PPP4R1: variants seen among roughly 807,000 people sequenced by gnomAD.
PPP4R1 encodes the protein serine/threonine-protein phosphatase 4 regulatory subunit 1.
PPP4R1 carries 42 observed loss-of-function variants against 111.2 expected under a neutral mutation model. The ratio of observed to expected loss-of-function variants is 0.38; its 90% CI spans 0.29 to 0.49. PPP4R1 has a LOEUF of 0.49. Ranked by LOEUF, PPP4R1 falls within the 20% of genes least tolerant of loss-of-function variation. The probability of loss-of-function intolerance (pLI) is 0.97; values close to 1 mark genes in which losing one functional copy is unlikely to be tolerated. For missense variants in PPP4R1, 1,012 were observed against 1,161.6 expected (o/e 0.87, Z 1.87); for synonymous variants, 409 against 405.5 (o/e 1.01, Z -0.10).
Position 9,588,183 on chromosome 18 carries a change from A to G in PPP4R1, c.491T>C (p.Ile164Thr). The change falls in exon 6 of 20, where the codon ATT (isoleucine) becomes ACT (threonine). Residue 164 changes from isoleucine (I) to threonine (T), a missense_variant. Ile to Thr is a moderately conservative substitution (Grantham distance 89). Coordinates refer to ENST00000400556, the MANE Select transcript of PPP4R1 (RefSeq NM_001042388.3). ...ALLALLEQEL[I>T]ERFDVETKVC... Reference sequence around the variant, plus strand: ...TTTGGTCTCCACATCAAATCGTTCAATGAGCTCCTGCTCCAACAGAGCCAG... The same window carrying G: ...TTTGGTCTCCACATCAAATCGTTCAGTGAGCTCCTGCTCCAACAGAGCCAG... 1 of 1,614,180 alleles carries G rather than the reference A, an allele frequency of 6.2e-7. No individual in the cohort carries two copies. The highest frequency in any genetic ancestry group is 8.5e-7 in the Non-Finnish European group (1 of 1,180,010).
chr18:9,615,489 T>G (rs2067678063), upstream of PPP4R1, among the ~76,000 whole-genome samples: 1 of 152,202 alleles, frequency 6.6e-6, no homozygotes, highest in Admixed American at 6.5e-5. Flanking sequence ...TCTAAATACT[T>G]TTGGCAGCAC....
chr18:9,582,117 A>T (rs571657818), intron 9 of PPP4R1, among the ~76,000 whole-genome samples: 16 of 152,056 alleles, frequency 1.1e-4, no homozygotes, highest in Non-Finnish European at 2.1e-4. Context: ...CTAATCCACA[A>T]CCTAACCTTC....
chr18:9,561,988 T>G lies in PPP4R1; in HGVS notation c.1834A>C (p.Lys612Gln). Residue 612 changes from lysine (K) to glutamine (Q), a missense_variant, in exon 13 of 20, where the codon AAA becomes CAA. By Grantham distance (53) the Lys-to-Gln change is moderately conservative. Transcript: ENST00000400556. ...SFSPDEERRT[K>Q]VQDVVPQALL... ...ATTTTTTGGTCACTTACTTGTACTT[T>G]AGTTCTCCTTTCCTCATCAGGGCTA... is the stretch of plus-strand genomic sequence containing the variant. The G allele has an allele frequency of 6.2e-7, 1 of 1,608,986 alleles. No homozygotes were observed. Among genetic ancestry groups the G allele is most frequent in the Non-Finnish European group, 8.5e-7 (1 of 1,175,500 alleles).
At chr18:9,597,099 T>C (rs1016135546) in intron 2 of PPP4R1, among the ~76,000 whole-genome samples, 4 of 152,036 alleles carry the variant, frequency 2.6e-5, no homozygotes, top group Admixed American at 1.3e-4. Context: ...CATTTGTGAA[T>C]AGCCACTGCA....
intron 2 of PPP4R1, among the ~76,000 whole-genome samples, chr18:9,597,393 A>C (rs934424319): frequency 1.3e-5 from 2 of 152,226 alleles, no homozygotes; most frequent in African/African-American, 2.4e-5. Context: ...GAGGGAGAGT[A>C]TCAGAGAGGA....
At chr18:9,612,328 A>G (rs2067595610) in intron 2 of PPP4R1, 1 of 152,290 alleles carries the variant, frequency 6.6e-6, no homozygotes, top group Non-Finnish European at 1.5e-5. Flanking sequence ...GACACTGCTA[A>G]GACAAACAGA....
intron 15 of PPP4R1, among the ~76,000 whole-genome samples, chr18:9,554,825 C>A (rs973459685): frequency 1.3e-5 from 2 of 152,212 alleles, no homozygotes; most frequent in Non-Finnish European, 2.9e-5. Context: ...TCAAAGGACA[C>A]AAGAGGCAGC....
chr18:9,577,292 T>C (rs2066952198), intron 9 of PPP4R1, 101 bp from the exon 10 acceptor site: 7 of 1,264,782 alleles, frequency 5.5e-6, no homozygotes, highest in Admixed American at 2.8e-5. Context: ...AATGCCGAAG[T>C]ATGTTTAGGA....
At chr18:9,594,011 T>C (rs1488923010) in intron 3 of PPP4R1, 137 bp from the exon 4 acceptor site, 7 of 651,650 alleles carry the variant, frequency 1.1e-5, no homozygotes, top group Admixed American at 2.4e-5. Context: ...AACTGCAGCA[T>C]TGACTTCCCT....
At chr18:9,564,665 G>A (rs1244517376) in intron 11 of PPP4R1, among the ~76,000 whole-genome samples, 2 of 149,864 alleles carry the variant, frequency 1.3e-5, no homozygotes, top group African/African-American at 4.9e-5. Context: ...AAGAAAGAAA[G>A]GTTAAAATGT....
At chr18:9,593,454 C>T (rs528261348) in intron 4 of PPP4R1, among the ~76,000 whole-genome samples, 14 of 152,046 alleles carry the variant, frequency 9.2e-5, no homozygotes, top group Non-Finnish European at 2.1e-4. Context: ...CCTCCTCCAT[C>T]TCTTTTAATG....
chr18:9,593,232 T>C (rs1421997333), intron 4 of PPP4R1, among the ~76,000 whole-genome samples: 2 of 152,172 alleles, frequency 1.3e-5, no homozygotes, highest in East Asian at 1.9e-4. Flanking sequence ...TTTAAGTATA[T>C]TTTACTACAA....
At chr18:9,563,164 G>A in intron 12 of PPP4R1, 1 of 1,245,792 alleles carries the variant, frequency 8.0e-7, no homozygotes, top group Non-Finnish European at 1.0e-6. Flanking sequence ...CATATAGACA[G>A]AAGTGGGATT....
intron 10 of PPP4R1, among the ~76,000 whole-genome samples, chr18:9,572,031 A>G (rs939421620): frequency 2.0e-5 from 3 of 152,250 alleles, no homozygotes; most frequent in Admixed American, 6.5e-5. Context: ...CTACAGAAGA[A>G]CACATTCAAA....
chr18:9,611,662 T>C (rs1427819507), intron 2 of PPP4R1, among the ~76,000 whole-genome samples: 1 of 152,262 alleles, frequency 6.6e-6, no homozygotes, highest in Non-Finnish European at 1.5e-5. Context: ...ATAACTATTG[T>C]GCCTTCAATG....
chr18:9,604,705 T>C (rs1032725996), intron 2 of PPP4R1, among the ~76,000 whole-genome samples: 3 of 152,154 alleles, frequency 2.0e-5, no homozygotes, highest in Admixed American at 6.6e-5. Context: ...CCACCAATAA[T>C]TGCAAAGTAT....
chr18:9,552,501 A>T (rs995901161), intron 16 of PPP4R1, among the ~76,000 whole-genome samples: 5 of 152,242 alleles, frequency 3.3e-5, no homozygotes, highest in Non-Finnish European at 7.3e-5. Context: ...AAATATTTTT[A>T]AAATTTAGTA....
chr18:9,614,576 G>A (rs2067657767), upstream of PPP4R1: 14 of 881,272 alleles, frequency 1.6e-5, no homozygotes, highest in Non-Finnish European at 1.9e-5. The surrounding 1 kb of genome is among the most constrained non-coding windows in gnomAD (Gnocchi z 4.1). Flanking sequence ...GCGCGGGAGG[G>A]GCGGCGGGGA....
intron 2 of PPP4R1, among the ~76,000 whole-genome samples, chr18:9,609,844 A>C (rs984538156): frequency 9.2e-5 from 14 of 152,210 alleles, no homozygotes; most frequent in African/African-American, 3.4e-4. Flanking sequence ...AAAATATTCA[A>C]AATATGATAT....
Sources: gnomAD v4.1 joint callset for allele counts (sites outside exome capture counted in the v4.1 genomes callset) on GRCh38, gnomAD v4.1.1 for gene constraint, Gnocchi (gnomAD v3.1) non-coding constraint, MANE v1.5 for transcripts, NCBI Gene and HGNC (gene_info 2026-07-23, HGNC 2026-07-21) for gene names.